HECW1: variants seen among roughly 807,000 people sequenced by gnomAD.
HECW1 encodes E3 ubiquitin-protein ligase HECW1.
In HECW1, 61 loss-of-function variants were observed where a neutral mutation model predicts 182.3. The observed-to-expected ratio is 0.33, with a 90% CI of 0.27 to 0.41. HECW1 has a LOEUF of 0.41. HECW1 is among the 10% of genes least tolerant of loss of function. HECW1 has a pLI of 1.00. For missense variants in HECW1, 1,739 were observed against 2,108.9 expected, an observed-to-expected ratio of 0.82 and a Z score of 3.44; for synonymous variants, 859 against 832.6, an observed-to-expected ratio of 1.03 and a Z score of -0.55.
At chr7:43,114,444 A>G (rs2152589345) in intron 2 of HECW1, 53 bp downstream of exon 2, 1 of 1,316,348 alleles carries the variant, frequency 7.6e-7, no homozygotes, top group Non-Finnish European at 1.0e-6. Context: ...TTCCACTAAG[A>G]AGGGATTAGA....
At chr7:43,139,404 T>C (rs959392482) in intron 2 of HECW1, among the ~76,000 whole-genome samples, 8 of 152,214 alleles carry the variant, frequency 5.3e-5, no homozygotes, top group Non-Finnish European at 1.5e-5. Flanking sequence ...ACCCCCTGCA[T>C]AGAGGATGAG....
intron 17 of HECW1, among the ~76,000 whole-genome samples, chr7:43,487,024 C>A (rs970952823): frequency 6.6e-6 from 1 of 152,194 alleles, no homozygotes; most frequent in African/African-American, 2.4e-5. Flanking sequence ...AAATATCTCT[C>A]TTTTGTTTCC....
At chr7:43,169,779 C>T (rs545297695) in intron 2 of HECW1, among the ~76,000 whole-genome samples, 1 of 150,626 alleles carries the variant, frequency 6.6e-6, no homozygotes, top group African/African-American at 2.4e-5. Flanking sequence ...AGCTTCGCCT[C>T]CCGGGTTCAC....
At chr7:43,420,956 T>C (rs990877144) in intron 8 of HECW1, among the ~76,000 whole-genome samples, 2 of 152,086 alleles carry the variant, frequency 1.3e-5, no homozygotes, top group Admixed American at 6.5e-5. Context: ...AACATTTGTA[T>C]TGAAATACAA....
intron 2 of HECW1, among the ~76,000 whole-genome samples, chr7:43,239,410 C>T (rs1206825559): frequency 6.6e-6 from 1 of 151,932 alleles, no homozygotes; most frequent in Admixed American, 6.6e-5. Context: ...CAGGCTTTCC[C>T]TTCCTTCATG....
chr7:43,141,794 G>A (rs190682392), intron 2 of HECW1, among the ~76,000 whole-genome samples: 14 of 152,262 alleles, frequency 9.2e-5, no homozygotes, highest in East Asian at 1.9e-4. Flanking sequence ...CACCGCACCC[G>A]GTGAGATATT....
intron 2 of HECW1, among the ~76,000 whole-genome samples, chr7:43,115,534 T>G (rs941782911): frequency 2.6e-5 from 4 of 152,250 alleles, no homozygotes; most frequent in Non-Finnish European, 5.9e-5. Context: ...GGCATGAGAC[T>G]TACTTTCTCT....
At chr7:43,229,915 C>A (rs1434751972) in intron 2 of HECW1, among the ~76,000 whole-genome samples, 1 of 152,178 alleles carries the variant, frequency 6.6e-6, no homozygotes, top group African/African-American at 2.4e-5. Flanking sequence ...TTTTGCCATA[C>A]TTTTGATGGC....
chr7:43,222,727 A>G (rs1220026637), intron 2 of HECW1, among the ~76,000 whole-genome samples: 1 of 152,128 alleles, frequency 6.6e-6, no homozygotes, highest in Admixed American at 6.5e-5. Flanking sequence ...CTATCTTCCC[A>G]TGGTCACAGG....
intron 2 of HECW1, among the ~76,000 whole-genome samples, chr7:43,203,785 T>G (rs566978395): frequency 1.9e-4 from 29 of 152,352 alleles, no homozygotes; most frequent in African/African-American, 7.0e-4. Flanking sequence ...TGGGTAATTG[T>G]GTATTGTCAT....
At chr7:43,367,369 G>A (rs956803873) in intron 6 of HECW1, among the ~76,000 whole-genome samples, 1 of 152,188 alleles carries the variant, frequency 6.6e-6, no homozygotes, top group Non-Finnish European at 1.5e-5. Context: ...AAAATTTTGA[G>A]ACTTAGTCCC....
chr7:43,125,013 C>G (rs957441242), intron 2 of HECW1, among the ~76,000 whole-genome samples: 2 of 152,094 alleles, frequency 1.3e-5, no homozygotes, highest in Admixed American at 1.3e-4. Context: ...TTATTTCTTA[C>G]AGTTGTGGAG....
rs1262002852 is a variant in HECW1, at chr7:43,509,101, T to C, written c.3999T>C (p.Phe1333=). The C allele has an allele frequency of 6.2e-7, 1 of 1,614,104 alleles. No individual in the cohort carries two copies. Among genetic ancestry groups the C allele is most frequent in the Non-Finnish European group, 8.5e-7 (1 of 1,179,964 alleles). The part of the protein sequence containing the change: ...YTVQISPMSA[F]VENHLEWFRF... Reference sequence around the variant, plus strand: ...TGCAGATCAGCCCCATGTCCGCATTTGTAGAAAACCATCTTGAGTGGTAAG... The same window carrying C: ...TGCAGATCAGCCCCATGTCCGCATTCGTAGAAAACCATCTTGAGTGGTAAG... The change falls in exon 24 of 30, where the codon TTT becomes TTC. Residue 1333 remains phenylalanine (F), a synonymous_variant. Transcript: ENST00000395891.
At chr7:43,345,205 A>T (rs899474892) in intron 5 of HECW1, among the ~76,000 whole-genome samples, 2 of 152,208 alleles carry the variant, frequency 1.3e-5, no homozygotes, top group African/African-American at 2.4e-5. Flanking sequence ...ATGCATATTG[A>T]AAAACATGTA....
intron 2 of HECW1, among the ~76,000 whole-genome samples, chr7:43,230,598 G>A (rs907642612): frequency 1.3e-5 from 2 of 152,086 alleles, no homozygotes; most frequent in Non-Finnish European, 2.9e-5. Flanking sequence ...TGTACTGTAG[G>A]TATATAAAAG....
intron 12 of HECW1, 139 bp downstream of exon 12, chr7:43,451,068 G>C (rs764419589): frequency 2.6e-5 from 16 of 621,660 alleles, no homozygotes; most frequent in Non-Finnish European, 3.9e-5. Context: ...TATGACACCT[G>C]CTCTAAAAAC....
At chr7:43,541,009 G>T (rs1299944152) in intron 24 of HECW1, among the ~76,000 whole-genome samples, 154 bp from the exon 25 acceptor site, 1 of 152,190 alleles carries the variant, frequency 6.6e-6, no homozygotes, top group Non-Finnish European at 1.5e-5. Flanking sequence ...TAAAGCAAAA[G>T]GACAAGAACA....
intron 4 of HECW1, among the ~76,000 whole-genome samples, chr7:43,316,773 T>TCCTCC (rs1562826353): frequency 1.4e-5 from 1 of 74,008 alleles, no homozygotes; most frequent in Non-Finnish European, 2.5e-5. Context: ...CCCTTTTCTC[T>TCCTCC]CCTCCCCTCC....
intron 2 of HECW1, among the ~76,000 whole-genome samples, chr7:43,196,610 T>A (rs899510044): frequency 6.6e-6 from 1 of 152,082 alleles, no homozygotes; most frequent in Non-Finnish European, 1.5e-5. Context: ...TCAGGATGAG[T>A]GCAGTGGGCC....
Sources: allele counts gnomAD v4.1 joint callset (sites outside exome capture counted in the v4.1 genomes callset), GRCh38; gene constraint gnomAD v4.1.1; transcripts MANE v1.5; gene names NCBI Gene and HGNC (gene_info 2026-07-23, HGNC 2026-07-21).